Variants in SLC36A1 observed in about 807,000 individuals in gnomAD.
The protein encoded by SLC36A1 is proton-coupled amino acid transporter 1.
A neutral mutation model predicts 47.5 loss-of-function variants in SLC36A1; 30 were observed. The observed-to-expected ratio is 0.63, with a 90% CI of 0.47 to 0.86. SLC36A1 has a LOEUF of 0.86. Among genes scored for constraint, SLC36A1 ranks in the 40% least tolerant of loss-of-function variants. The pLI is 0.00. For synonymous variants in SLC36A1, 255 were observed against 249.7 expected, an observed-to-expected ratio of 1.02 and a Z score of -0.20; for missense variants, 517 against 606.0, an observed-to-expected ratio of 0.85 and a Z score of 1.54.
chr5:151,380,300 C>T, the SLC36A1 span: 2 of 267,982 alleles, frequency 7.5e-6, no homozygotes, highest in Non-Finnish European at 1.5e-5. Flanking sequence ...GCTTGGCCAA[C>T]GTGGTGAAAC....
the SLC36A1 span, among the ~76,000 whole-genome samples, chr5:151,361,552 A>C: frequency 6.6e-6 from 1 of 152,238 alleles, no homozygotes. Context: ...TTAAACAGAC[A>C]AAACCTTCTG....
chr5:151,482,117 G>C (rs891127638), intron 10 of SLC36A1, among the ~76,000 whole-genome samples: 1 of 152,192 alleles, frequency 6.6e-6, no homozygotes, highest in Non-Finnish European at 1.5e-5. Flanking sequence ...GGAATGCAGA[G>C]CTGCAAAACA....
At chr5:151,429,672 G>C in the SLC36A1 span, among the ~76,000 whole-genome samples, 1 of 151,970 alleles carries the variant, frequency 6.6e-6, no homozygotes, top group Non-Finnish European at 1.5e-5. Context: ...AACTAATATA[G>C]GAATAGCAAA....
chr5:151,541,047 T>C, the SLC36A1 span, among the ~76,000 whole-genome samples: 1 of 152,146 alleles, frequency 6.6e-6, no homozygotes, highest in East Asian at 1.9e-4. Flanking sequence ...CCAGAAGGCA[T>C]GGGAGGAAGT....
At chr5:151,358,027 G>A in the SLC36A1 span, among the ~76,000 whole-genome samples, 2,375 of 152,320 alleles carry the variant, frequency 0.016, 48 homozygotes, top group African/African-American at 0.054. Flanking sequence ...GTGAAGGACA[G>A]AGAGAACTTG....
chr5:151,359,844 C>A, the SLC36A1 span, among the ~76,000 whole-genome samples: 1 of 152,306 alleles, frequency 6.6e-6, no homozygotes, highest in Non-Finnish European at 1.5e-5. Context: ...GCTGTAGAAA[C>A]AAACCAATAG....
the SLC36A1 span, among the ~76,000 whole-genome samples, chr5:151,394,694 G>T: frequency 6.6e-6 from 1 of 152,346 alleles, no homozygotes; most frequent in Admixed American, 6.5e-5. Context: ...CTGGGTATCA[G>T]CAGCGGAGGC....
Position 151,487,981 on chromosome 5 carries a change from A to G in SLC36A1, c.1160-2A>G. The stretch of plus-strand genomic sequence containing the variant: ...AAACAGGCATGTCCTCTCTCCCTGC[A>G]GGCATCTTGGCCATCCTCATCCCCC... On this transcript the variant is annotated splice_acceptor_variant, in intron 10 of 10. Coordinates refer to ENST00000243389, the MANE Select transcript of SLC36A1 (RefSeq NM_078483.4). LOFTEE classifies it high-confidence loss of function. The G allele has an allele frequency of 6.2e-7, 1 of 1,613,926 alleles. No individual in the cohort carries two copies. The highest frequency in any genetic ancestry group is 8.5e-7 in the Non-Finnish European group (1 of 1,179,986).
chr5:151,458,341 T>TATATA (rs1561738201), intron 1 of SLC36A1, among the ~76,000 whole-genome samples: 7 of 108,494 alleles, frequency 6.5e-5, no homozygotes, highest in African/African-American at 2.2e-4. Flanking sequence ...TATGGGATAT[T>TATATA]TATATATATA....
chr5:151,399,862 A>T, the SLC36A1 span, among the ~76,000 whole-genome samples: 6 of 152,182 alleles, frequency 3.9e-5, no homozygotes, highest in Admixed American at 1.3e-4. Flanking sequence ...AAATAATAAT[A>T]ATCATTGTTT....
chr5:151,389,267 G>A, the SLC36A1 span, among the ~76,000 whole-genome samples: 6 of 151,648 alleles, frequency 4.0e-5, no homozygotes, highest in Non-Finnish European at 8.8e-5. Flanking sequence ...GCCTTTCCAT[G>A]TGCTGTTCCC....
the SLC36A1 span, among the ~76,000 whole-genome samples, chr5:151,391,428 C>T: frequency 6.6e-6 from 1 of 152,158 alleles, no homozygotes; most frequent in African/African-American, 2.4e-5. Flanking sequence ...GCCAGAACTT[C>T]CAACACTATG....
chr5:151,405,343 C>CTTTTTTTTTTT, the SLC36A1 span, among the ~76,000 whole-genome samples: 16 of 85,268 alleles, frequency 1.9e-4, no homozygotes, highest in East Asian at 9.9e-4. Context: ...CTCTCTTTCT[C>CTTTTTTTTTTT]TTTTTTTTTT....
At chr5:151,526,794 T>C in the SLC36A1 span, among the ~76,000 whole-genome samples, 1 of 152,038 alleles carries the variant, frequency 6.6e-6, no homozygotes, top group Non-Finnish European at 1.5e-5. Flanking sequence ...CTCCCTCACC[T>C]CCCTTCACCA....
the SLC36A1 span, among the ~76,000 whole-genome samples, chr5:151,399,976 G>C: frequency 1.1e-4 from 16 of 152,132 alleles, no homozygotes; most frequent in African/African-American, 3.9e-4. Context: ...TTACAGATGA[G>C]AGTGAGTCTC....
the SLC36A1 span, among the ~76,000 whole-genome samples, chr5:151,391,808 A>G: frequency 0.5 from 75,374 of 151,914 alleles, 20,674 homozygotes; most frequent in African/African-American, 0.75. Flanking sequence ...GTTTGCCAGT[A>G]TTTTATTGAG....
chr5:151,535,656 AAAG>A, the SLC36A1 span, among the ~76,000 whole-genome samples: 5 of 152,210 alleles, frequency 3.3e-5, no homozygotes, highest in African/African-American at 1.2e-4. Flanking sequence ...AATCGAACCC[AAAG>A]AAGGAGTCGT....
At chr5:151,553,311 C>A in the SLC36A1 span, 16 of 1,614,126 alleles carry the variant, frequency 9.9e-6, no homozygotes, top group African/African-American at 1.3e-5. Flanking sequence ...GGAGGACGGC[C>A]GGGGCCAAGG....
At chr5:151,423,738 A>AACAT in the SLC36A1 span, among the ~76,000 whole-genome samples, 2 of 152,312 alleles carry the variant, frequency 1.3e-5, no homozygotes, top group South Asian at 4.1e-4. Context: ...TTGTCCAAAA[A>AACAT]ACATAGAATG....
Sources: allele counts gnomAD v4.1 joint callset (sites outside exome capture counted in the v4.1 genomes callset), GRCh38; gene constraint gnomAD v4.1.1; transcripts MANE v1.5; gene names NCBI Gene and HGNC (gene_info 2026-07-23, HGNC 2026-07-21).